The following CTNNA3 variants were observed in gnomAD, a reference collection of about 807,000 sequenced individuals.
CTNNA3 encodes catenin alpha 3, also known as catenin alpha-3.
CTNNA3 carries 76 observed loss-of-function variants against 95.7 expected under a neutral mutation model. That is an observed-to-expected ratio of 0.79 (90% CI 0.66 to 0.96). The LOEUF is 0.96. Among genes scored for constraint, CTNNA3 ranks in the 40% least tolerant of loss-of-function variants. The pLI is 0.00. For synonymous variants in CTNNA3, 431 were observed against 374.4 expected (o/e 1.15, Z -1.74); for missense variants, 1,191 against 1,089.8 (o/e 1.09, Z -1.31).
At chr10:66,057,647 G>C (rs1806785225) in intron 15 of CTNNA3, among the ~76,000 whole-genome samples, 1 of 152,044 alleles carries the variant, frequency 6.6e-6, no homozygotes, top group Non-Finnish European at 1.5e-5. Flanking sequence ...TATTTACAGG[G>C]AGAATATTTA....
intron 3 of CTNNA3, among the ~76,000 whole-genome samples, chr10:67,575,590 A>G (rs1326404798): frequency 6.6e-6 from 1 of 152,142 alleles, no homozygotes; most frequent in African/African-American, 2.4e-5. Context: ...AATTCAAGTG[A>G]TCACCTCAGT....
intron 5 of CTNNA3, among the ~76,000 whole-genome samples, chr10:67,263,413 G>C (rs947664544): frequency 7.2e-5 from 11 of 152,166 alleles, no homozygotes; most frequent in Middle Eastern, 3.2e-3. Flanking sequence ...CAAATGCGTT[G>C]ATTTGTGGCA....
At chr10:66,878,296 G>A (rs1844703643) in intron 7 of CTNNA3, among the ~76,000 whole-genome samples, 1 of 152,064 alleles carries the variant, frequency 6.6e-6, no homozygotes, top group African/African-American at 2.4e-5. Context: ...GCTCACGGCA[G>A]CCTCAACCCC....
chr10:67,219,582 A>G, intron 6 of CTNNA3, 25 bp downstream of exon 6: 2 of 1,598,932 alleles, frequency 1.3e-6, no homozygotes, highest in Non-Finnish European at 1.7e-6. Context: ...ACATCAGATC[A>G]CACTTTATCT....
chr10:67,290,779 G>C (rs967914401), intron 5 of CTNNA3, among the ~76,000 whole-genome samples: 2 of 152,132 alleles, frequency 1.3e-5, no homozygotes, highest in African/African-American at 4.8e-5. Context: ...CAAATATGTA[G>C]AGCAAATGGC....
Position 67,657,803 on chromosome 10 carries a change from CGCCAT to C in CTNNA3, c.-5-10290_-5-10286del, listed in dbSNP as rs1840066705. ...CGGAGGTTGCAGTGAGCTGAGATCA[CGCCAT>C]TGCACTCCAGCCTGGGCAACAACAG... is the stretch of plus-strand genomic sequence containing the variant. On this transcript the variant is annotated intron_variant, in intron 1 of 17. Transcript: ENST00000433211. Among the ~76,000 whole-genome samples, 6 of 145,010 alleles carry C rather than the reference CGCCAT, an allele frequency of 4.1e-5. No individual in the cohort carries two copies. The South Asian group carries it at 1.3e-3, about 31-fold the overall frequency.
At chr10:66,290,000 G>A (rs1310451937) in intron 12 of CTNNA3, among the ~76,000 whole-genome samples, 1 of 151,970 alleles carries the variant, frequency 6.6e-6, no homozygotes. Flanking sequence ...GGCTATATCT[G>A]GTTACAAGCA....
chr10:66,537,313 C>T (rs1176299514), intron 10 of CTNNA3, among the ~76,000 whole-genome samples: 2 of 152,118 alleles, frequency 1.3e-5, no homozygotes, highest in Non-Finnish European at 2.9e-5. Context: ...ATCTTTATGT[C>T]AGAGGGCATA....
chr10:67,554,175 T>C lies in CTNNA3; in HGVS notation c.293-14506A>G, dbSNP rs376263092. On this transcript the variant is annotated intron_variant, in intron 3 of 17. Transcript: ENST00000433211. The stretch of plus-strand genomic sequence containing the variant: ...AGTCTATCATTGTTGGACATTTGGG[T>C]TGGTTTCAAGTCTTTGCTATTGTGA... Among the ~76,000 whole-genome samples, 7 of 152,336 alleles carry C rather than the reference T, an allele frequency of 4.6e-5. No individual in the cohort carries two copies. In the East Asian group the frequency reaches 1.2e-3, roughly 25 times the overall value.
chr10:66,867,378 A>G (rs1398273279), intron 7 of CTNNA3, among the ~76,000 whole-genome samples: 2 of 152,210 alleles, frequency 1.3e-5, no homozygotes, highest in Non-Finnish European at 2.9e-5. Context: ...TTAATTGACT[A>G]ACACCAAACC....
intron 1 of CTNNA3, among the ~76,000 whole-genome samples, chr10:67,744,028 C>T (rs568774525): frequency 1.2e-4 from 18 of 151,438 alleles, no homozygotes; most frequent in East Asian, 3.9e-4. Flanking sequence ...GAAGAACATT[C>T]CATGCTCATG....
At chr10:66,868,268 G>A (rs1400107589) in intron 7 of CTNNA3, among the ~76,000 whole-genome samples, 1 of 151,424 alleles carries the variant, frequency 6.6e-6, no homozygotes, top group Non-Finnish European at 1.5e-5. Flanking sequence ...CGGAGGCTGA[G>A]GCTGGAGAAT....
intron 15 of CTNNA3, among the ~76,000 whole-genome samples, chr10:66,028,184 G>A (rs2133448099): frequency 6.6e-6 from 1 of 152,328 alleles, no homozygotes; most frequent in East Asian, 1.9e-4. Flanking sequence ...GGAAGTCAGT[G>A]TGGGAATTCC....
At chr10:66,144,085 T>C (rs1589540745) in intron 13 of CTNNA3, among the ~76,000 whole-genome samples, 1 of 152,232 alleles carries the variant, frequency 6.6e-6, no homozygotes, top group Admixed American at 6.5e-5. Flanking sequence ...CAATTTATTT[T>C]TGTTATTTCG....
chr10:66,417,466 T>C (rs547911037), intron 11 of CTNNA3, among the ~76,000 whole-genome samples: 1 of 152,102 alleles, frequency 6.6e-6, no homozygotes, highest in South Asian at 2.1e-4. Flanking sequence ...ACTAGACAGA[T>C]CGTCTAGAAA....
chr10:67,131,907 G>A (rs1400455168), intron 7 of CTNNA3, among the ~76,000 whole-genome samples: 1 of 151,988 alleles, frequency 6.6e-6, no homozygotes. Context: ...ACTTAGAATG[G>A]GAATTCAGAA....
intron 12 of CTNNA3, among the ~76,000 whole-genome samples, chr10:66,317,076 A>G (rs2092112019): frequency 6.6e-6 from 1 of 152,170 alleles, no homozygotes; most frequent in Non-Finnish European, 1.5e-5. Context: ...TTTTTTAGAC[A>G]TTCATGCTTA....
intron 7 of CTNNA3, among the ~76,000 whole-genome samples, chr10:66,793,543 A>G (rs959542810): frequency 3.2e-4 from 48 of 152,238 alleles, no homozygotes; most frequent in Non-Finnish European, 6.6e-4. Flanking sequence ...TATCTATTAT[A>G]CACCAGGAAC....
At chr10:66,993,093 G>A (rs2204243) in intron 7 of CTNNA3, among the ~76,000 whole-genome samples, 71,169 of 151,916 alleles carry the variant, frequency 0.47, 17,205 homozygotes, top group African/African-American at 0.55. Flanking sequence ...GGCACTGGAC[G>A]ATCATGAGGT....
Sources: allele counts gnomAD v4.1 joint callset (sites outside exome capture counted in the v4.1 genomes callset), GRCh38; gene constraint gnomAD v4.1.1; transcripts MANE v1.5; gene names NCBI Gene and HGNC (gene_info 2026-07-23, HGNC 2026-07-21).